The following FBXL2 variants were observed in gnomAD, a reference collection of about 807,000 sequenced individuals.
The protein encoded by FBXL2 is F-box and leucine rich repeat protein 2.
In FBXL2, 38 loss-of-function variants were observed where a neutral mutation model predicts 69.2. The observed-to-expected ratio is 0.55, with a 90% confidence interval of 0.42 to 0.72. The LOEUF is 0.72. FBXL2 is among the 30% of genes least tolerant of loss of function. FBXL2 has a pLI of 0.00. For synonymous variants in FBXL2, 192 were observed against 201.3 expected (o/e 0.95, Z 0.39); for missense variants, 354 against 520.3 (o/e 0.68, Z 3.11).
chr3:33,292,607 C>T (rs756088040), intron 1 of FBXL2, among the ~76,000 whole-genome samples: 2 of 152,084 alleles, frequency 1.3e-5, no homozygotes, highest in African/African-American at 2.4e-5. Context: ...TTATGAAGCA[C>T]TACACATCAC....
intron 1 of FBXL2, among the ~76,000 whole-genome samples, chr3:33,292,266 G>A (rs1450050174): frequency 6.6e-6 from 1 of 152,096 alleles, no homozygotes; most frequent in African/African-American, 2.4e-5. Flanking sequence ...TGTAATCCCA[G>A]CTTCTTGGGA....
intron 1 of FBXL2, among the ~76,000 whole-genome samples, chr3:33,287,852 TC>T (rs2034808785): frequency 6.6e-6 from 1 of 152,064 alleles, no homozygotes; most frequent in African/African-American, 2.4e-5. Context: ...AGATTAAGAG[TC>T]TTAATGTCTT....
downstream of FBXL2, among the ~76,000 whole-genome samples, chr3:33,407,065 T>C (rs2044446676): frequency 6.6e-6 from 1 of 152,230 alleles, no homozygotes. Context: ...AAGAAACATA[T>C]GAAATTCTGC....
intron 14 of FBXL2, among the ~76,000 whole-genome samples, chr3:33,385,078 T>C (rs1344122536): frequency 6.6e-6 from 1 of 152,178 alleles, no homozygotes; most frequent in African/African-American, 2.4e-5. Context: ...AAGGTCATTA[T>C]GAGTGGGAGG....
intron 2 of FBXL2, among the ~76,000 whole-genome samples, chr3:33,334,233 C>G (rs1296263575): frequency 6.6e-6 from 1 of 152,022 alleles, no homozygotes; most frequent in African/African-American, 2.4e-5. Flanking sequence ...GTTTTGGTGA[C>G]CCAGTTTTGG....
In FBXL2 at chr3:33,282,033, A is replaced by G. The variant is rs552857143; in HGVS notation, c.3+4518A>G. Among the ~76,000 whole-genome samples the G allele has an allele frequency of 6.6e-5, 10 of 152,312 alleles. No individual in the cohort carries two copies. In the East Asian group the frequency reaches 1.9e-3, roughly 29 times the overall value. Reference sequence around the variant, plus strand: ...CTGATTGTAGTTTCTTTTGCTGTGCAGAAGCTCTTTAGTTTAATTAGATCC... The same window carrying G: ...CTGATTGTAGTTTCTTTTGCTGTGCGGAAGCTCTTTAGTTTAATTAGATCC... On this transcript the variant is annotated intron_variant, in intron 1 of 14. Transcript: ENST00000484457.
At chr3:33,382,416 C>T (rs546589667) in intron 13 of FBXL2, 8 of 152,242 alleles carry the variant, frequency 5.3e-5, no homozygotes, top group Admixed American at 2.6e-4. Context: ...CCCCAAAAGT[C>T]GTGACTTCCA....
intron 12 of FBXL2, chr3:33,398,327 C>T (rs1421200840): frequency 6.6e-6 from 1 of 152,202 alleles, no homozygotes; most frequent in Non-Finnish European, 1.5e-5. Flanking sequence ...CAGAGAAGCA[C>T]ATCTCCCATG....
At chr3:33,407,518 GT>G (rs1215478291), downstream of FBXL2, among the ~76,000 whole-genome samples, 6 of 146,940 alleles carry the variant, frequency 4.1e-5, no homozygotes, top group Non-Finnish European at 8.9e-5. Context: ...ATATACAGCT[GT>G]TTTAACAATC....
intron 1 of FBXL2, among the ~76,000 whole-genome samples, chr3:33,288,534 G>C (rs145710527): frequency 1.3e-5 from 2 of 152,280 alleles, no homozygotes; most frequent in African/African-American, 2.4e-5. Flanking sequence ...AGAAGGGAAG[G>C]CCTCTCTGAT....
chr3:33,284,805 CTTCT>C (rs2034426712), intron 1 of FBXL2, among the ~76,000 whole-genome samples: 1 of 152,134 alleles, frequency 6.6e-6, no homozygotes. Context: ...ATGTAATGGC[CTTCT>C]TTGTCTCTTT....
chr3:33,357,689 C>T (rs2041308176), intron 2 of FBXL2, among the ~76,000 whole-genome samples: 1 of 151,980 alleles, frequency 6.6e-6, no homozygotes, highest in South Asian at 2.1e-4. Flanking sequence ...GCCACCTCGC[C>T]CGGCTAATTT....
the FBXL2 span, among the ~76,000 whole-genome samples, chr3:33,421,617 G>T: frequency 6.6e-6 from 1 of 152,120 alleles, no homozygotes; most frequent in Non-Finnish European, 1.5e-5. Context: ...GGTTCAAAAA[G>T]AACTCAAAAA....
At chr3:33,346,081 G>A (rs2040410438) in intron 2 of FBXL2, among the ~76,000 whole-genome samples, 1 of 152,020 alleles carries the variant, frequency 6.6e-6, no homozygotes, top group African/African-American at 2.4e-5. Flanking sequence ...TACAAAATTA[G>A]CCAGGTGTGG....
the FBXL2 span, chr3:33,412,717 T>G: frequency 6.3e-7 from 1 of 1,587,496 alleles, no homozygotes; most frequent in Admixed American, 1.7e-5. Context: ...GATCACTGCC[T>G]GTACCTAAAT....
chr3:33,349,949 G>A (rs920488913), intron 2 of FBXL2, among the ~76,000 whole-genome samples: 3 of 152,072 alleles, frequency 2.0e-5, no homozygotes, highest in Non-Finnish European at 2.9e-5. Context: ...GGTTTTACTG[G>A]TGAATTCTAC....
chr3:33,277,486 T>C lies in FBXL2; in HGVS notation c.-27T>C, dbSNP rs2033390650. Reference sequence around the variant, plus strand: ...TCGCCGGCGCCGTGTGACTTCGGGCTGTGGGCTCGCTCGCGGCTCTTCGGC... The same window carrying C: ...TCGCCGGCGCCGTGTGACTTCGGGCCGTGGGCTCGCTCGCGGCTCTTCGGC... On this transcript the variant is annotated 5_prime_UTR_variant, in exon 1 of 15. Transcript: ENST00000484457. 1.5e-6 allele frequency: 2 copies of C among 1,295,116 alleles called. No individual in the cohort carries two copies. Among genetic ancestry groups the C allele is most frequent in the Non-Finnish European group, 2.0e-6 (2 of 1,013,170 alleles). 80.2% of individuals were successfully genotyped at this position (1,295,116 alleles called of 1,614,324 possible).
At chr3:33,350,516 T>A (rs2040756884) in intron 2 of FBXL2, among the ~76,000 whole-genome samples, 1 of 151,888 alleles carries the variant, frequency 6.6e-6, no homozygotes, top group Non-Finnish European at 1.5e-5. Flanking sequence ...CACTGCAACA[T>A]CTGCCTCCCA....
intron 13 of FBXL2, among the ~76,000 whole-genome samples, chr3:33,380,734 T>A (rs1453474628): frequency 6.6e-6 from 1 of 152,060 alleles, no homozygotes; most frequent in Non-Finnish European, 1.5e-5. Flanking sequence ...TGCACACACA[T>A]CCACACCACA....
Sources: gnomAD v4.1 joint callset for allele counts (sites outside exome capture counted in the v4.1 genomes callset) on GRCh38, gnomAD v4.1.1 for gene constraint, MANE v1.5 for transcripts, NCBI Gene and HGNC (gene_info 2026-07-23, HGNC 2026-07-21) for gene names.